INPP4B: variants seen among roughly 807,000 people sequenced by gnomAD.
INPP4B encodes inositol polyphosphate 4-phosphatase type II.
Under a neutral mutation model 122.5 loss-of-function variants are expected in INPP4B, and 55 were observed. The observed-to-expected ratio is 0.45, with a 90% CI of 0.36 to 0.56. The LOEUF is 0.56. Among genes scored for constraint, INPP4B ranks in the 20% least tolerant of loss-of-function variants. INPP4B has a pLI of 0.00. For synonymous variants in INPP4B, 403 were observed against 388.7 expected, an observed-to-expected ratio of 1.04 and a Z score of -0.43; for missense variants, 1,000 against 1,097.7, an observed-to-expected ratio of 0.91 and a Z score of 1.26.
At chr4:142,141,483 A>T (rs1807786945) in intron 18 of INPP4B, among the ~76,000 whole-genome samples, 1 of 152,108 alleles carries the variant, frequency 6.6e-6, no homozygotes, top group Non-Finnish European at 1.5e-5. Flanking sequence ...ATAAAAGGAC[A>T]ATCTTCATTC....
At chr4:142,235,165 C>T (rs1157738180) in intron 12 of INPP4B, among the ~76,000 whole-genome samples, 3 of 152,078 alleles carry the variant, frequency 2.0e-5, no homozygotes, top group Admixed American at 1.3e-4. Flanking sequence ...AGTAGAAAGA[C>T]AGCGGCTCAT....
chr4:142,595,687 C>T (rs141206915), intron 2 of INPP4B, among the ~76,000 whole-genome samples: 1 of 152,246 alleles, frequency 6.6e-6, no homozygotes, highest in Non-Finnish European at 1.5e-5. Context: ...AAACAATCAA[C>T]TTGGCAAGGT....
intron 9 of INPP4B, among the ~76,000 whole-genome samples, chr4:142,290,454 C>T (rs183211649): frequency 1.2e-4 from 18 of 152,086 alleles, no homozygotes; most frequent in Non-Finnish European, 1.8e-4. Context: ...GATCGACCTG[C>T]CTCGGCCTCC....
intron 2 of INPP4B, among the ~76,000 whole-genome samples, chr4:142,674,189 C>A (rs557714278): frequency 6.6e-6 from 1 of 152,224 alleles, no homozygotes; most frequent in South Asian, 2.1e-4. Flanking sequence ...TTCAACTTCT[C>A]CCTCTGCCCA....
intron 1 of INPP4B, among the ~76,000 whole-genome samples, chr4:142,744,226 A>G (rs1235884593): frequency 3.9e-5 from 6 of 151,978 alleles, no homozygotes. Context: ...ATAGTAGAAG[A>G]GTCAGTGAGG....
intron 2 of INPP4B, among the ~76,000 whole-genome samples, chr4:142,656,530 C>T (rs1754170329): frequency 6.6e-6 from 1 of 152,156 alleles, no homozygotes; most frequent in African/African-American, 2.4e-5. Context: ...TGCTGAGCAG[C>T]AGCTCCCTGC....
At chr4:142,827,613 C>T (rs1025380779) in intron 1 of INPP4B, among the ~76,000 whole-genome samples, 6 of 152,050 alleles carry the variant, frequency 3.9e-5, no homozygotes, top group Non-Finnish European at 8.8e-5. Flanking sequence ...AAGGTAGAGA[C>T]AAACTTAGAG....
In INPP4B at chr4:142,512,932, C is replaced by A. The variant is rs1479992447; in HGVS notation, c.-190-50206G>T. Among the ~76,000 whole-genome samples, 10 of 152,126 alleles carry A rather than the reference C, an allele frequency of 6.6e-5. No individual in the cohort carries two copies. The South Asian group carries it at 8.3e-4, about 13-fold the overall frequency. ...CTATATTTTTTGATATTACTCTAAG[C>A]TTTTCTCTATCAAATATGTACACAA... On this transcript the variant is annotated intron_variant, in intron 2 of 25. Transcript: ENST00000262992.
intron 2 of INPP4B, among the ~76,000 whole-genome samples, chr4:142,511,780 A>G (rs1186463477): frequency 2.0e-5 from 3 of 152,190 alleles, no homozygotes; most frequent in Non-Finnish European, 4.4e-5. Context: ...CATAACAATT[A>G]CCACTATAGG....
chr4:142,191,340 C>G (rs1835741780), intron 15 of INPP4B, among the ~76,000 whole-genome samples: 1 of 152,186 alleles, frequency 6.6e-6, no homozygotes, highest in African/African-American at 2.4e-5. Context: ...GAACCTGGAA[C>G]AGGGTGGCCC....
At chr4:142,485,860 GA>G (rs1821134180) in intron 2 of INPP4B, among the ~76,000 whole-genome samples, 1 of 152,086 alleles carries the variant, frequency 6.6e-6, no homozygotes, top group Non-Finnish European at 1.5e-5. Flanking sequence ...ATAAGGCTAC[GA>G]TTGGCCAGTC....
chr4:142,124,957 A>G (rs2667083), intron 18 of INPP4B, among the ~76,000 whole-genome samples, 197 bp from the exon 19 acceptor site: 141,165 of 152,124 alleles, frequency 0.93, 66,433 homozygotes, highest in South Asian at 1. Flanking sequence ...GCCACCCATC[A>G]GACCTCTCCA....
At chr4:142,720,920 G>A (rs1358139768) in intron 2 of INPP4B, among the ~76,000 whole-genome samples, 1 of 143,504 alleles carries the variant, frequency 7.0e-6, no homozygotes, top group Admixed American at 7.2e-5. Context: ...GTGTGTGTGT[G>A]TGTGTGTATG....
At chr4:142,108,332 T>C (rs983324383) in intron 22 of INPP4B, 142 bp from the exon 23 acceptor site, 2 of 651,082 alleles carry the variant, frequency 3.1e-6, no homozygotes, top group East Asian at 2.8e-5. Flanking sequence ...CAATTCACAA[T>C]GGTGATTTCA....
chr4:142,738,754 C>A (rs1254248524), intron 1 of INPP4B, among the ~76,000 whole-genome samples: 1 of 152,136 alleles, frequency 6.6e-6, no homozygotes, highest in Admixed American at 6.6e-5. Context: ...AACTGACATA[C>A]TTTAGCTCCA....
chr4:142,076,712 G>T (rs146545000), intron 25 of INPP4B, among the ~76,000 whole-genome samples: 1 of 151,964 alleles, frequency 6.6e-6, no homozygotes, highest in Non-Finnish European at 1.5e-5. Context: ...TGCACGTTGT[G>T]CACATGTACC....
chr4:142,052,525 C>A (rs993333672), intron 25 of INPP4B, among the ~76,000 whole-genome samples: 1 of 151,986 alleles, frequency 6.6e-6, no homozygotes, highest in Admixed American at 6.6e-5. Flanking sequence ...TAAAGCATTT[C>A]CAACAGACAA....
chr4:142,152,132 G>C (rs1319705823), intron 17 of INPP4B, among the ~76,000 whole-genome samples: 4 of 126,480 alleles, frequency 3.2e-5, no homozygotes, highest in Admixed American at 1.0e-4. Flanking sequence ...GGAGTGCAGT[G>C]CCACAATCTC....
At chr4:142,240,239 T>C (rs986361343) in intron 11 of INPP4B, among the ~76,000 whole-genome samples, 4 of 151,806 alleles carry the variant, frequency 2.6e-5, no homozygotes, top group African/African-American at 7.3e-5. Flanking sequence ...TCACCATTGT[T>C]ACCCAGGCTG....
Sources: gnomAD v4.1 joint callset for allele counts (sites outside exome capture counted in the v4.1 genomes callset) on GRCh38, gnomAD v4.1.1 for gene constraint, MANE v1.5 for transcripts, NCBI Gene and HGNC (gene_info 2026-07-23, HGNC 2026-07-21) for gene names.